SORCS2: variants seen among roughly 807,000 people sequenced by gnomAD.
SORCS2 encodes the protein sortilin related VPS10 domain containing receptor 2.
Under a neutral mutation model 141.6 loss-of-function variants are expected in SORCS2, and 100 were observed. The observed-to-expected ratio is 0.71, with a 90% confidence interval of 0.60 to 0.83. SORCS2 has a LOEUF of 0.83. SORCS2 is among the 40% of genes least tolerant of loss of function. SORCS2 has a pLI of 0.00. For missense variants in SORCS2, 1,646 were observed against 1,560.2 expected, an observed-to-expected ratio of 1.05 and a Z score of -0.93; for synonymous variants, 789 against 676.9, an observed-to-expected ratio of 1.17 and a Z score of -2.57.
intron 1 of SORCS2, among the ~76,000 whole-genome samples, chr4:7,387,492 C>T (rs1359574937): frequency 2.9e-3 from 225 of 76,676 alleles, no homozygotes; most frequent in African/African-American, 0.012. Flanking sequence ...CATACATACA[C>T]ATGCACACAA....
Position 7,602,365 on chromosome 4 carries a change from G to A in SORCS2, c.649-35963G>A, listed in dbSNP as rs576832506. ...ACGCTCCTCACTTCCCAGACGGGGC[G>A]GCTGCTGGGCGGAGGGGCTCCTCAC... On this transcript the variant is annotated intron_variant, in intron 3 of 26. Transcript: ENST00000507866. Among the ~76,000 whole-genome samples, 72 of 151,796 alleles carry A rather than the reference G, an allele frequency of 4.7e-4. 1 individual carries two copies. The highest frequency in any genetic ancestry group is 1.4e-3 in the African/African-American group (58 of 41,250).
chr4:7,542,694 G>A (rs1369915047), intron 3 of SORCS2, among the ~76,000 whole-genome samples: 2 of 152,238 alleles, frequency 1.3e-5, no homozygotes, highest in African/African-American at 4.8e-5. Flanking sequence ...CTTTGTCTCG[G>A]AAGCCCCAGA....
intron 3 of SORCS2, among the ~76,000 whole-genome samples, chr4:7,546,653 TG>T (rs1421780090): frequency 6.6e-6 from 1 of 152,182 alleles, no homozygotes; most frequent in Non-Finnish European, 1.5e-5. Flanking sequence ...CAGCCGGTGA[TG>T]GTGGGCCCCT....
intron 1 of SORCS2, among the ~76,000 whole-genome samples, chr4:7,263,524 CTG>C (rs1167721649): frequency 6.6e-6 from 1 of 152,234 alleles, no homozygotes; most frequent in Non-Finnish European, 1.5e-5. Flanking sequence ...TGCGAACCTG[CTG>C]TGTGTGTGAA....
chr4:7,372,839 T>A (rs1722344493), intron 1 of SORCS2, among the ~76,000 whole-genome samples: 1 of 152,078 alleles, frequency 6.6e-6, no homozygotes, highest in Non-Finnish European at 1.5e-5. Context: ...CTTCCGGGCC[T>A]GGCTGCTTTC....
intron 12 of SORCS2, among the ~76,000 whole-genome samples, chr4:7,700,869 A>T (rs1253956444): frequency 1.3e-5 from 2 of 152,208 alleles, no homozygotes; most frequent in African/African-American, 4.8e-5. Flanking sequence ...CCACAGACAG[A>T]GTCCCCGTGG....
In SORCS2 at chr4:7,669,304, C is replaced by G. The variant is rs142899674; in HGVS notation, c.1161+2091C>G. On this transcript the variant is annotated intron_variant, in intron 8 of 26. Transcript: ENST00000507866. The stretch of plus-strand genomic sequence containing the variant: ...TGCTGTGACTATCGATGTCCTCCCT[C>G]AGGGGTCCATGCACAGGACCCAGTG... 3.6e-3 allele frequency among the ~76,000 whole-genome samples: 547 copies of G among 152,318 alleles called. 3 individuals carry two copies. The highest frequency in any genetic ancestry group is 0.013 in the African/African-American group (530 of 41,568).
chr4:7,424,854 A>C (rs1726317842), intron 2 of SORCS2, among the ~76,000 whole-genome samples: 1 of 152,164 alleles, frequency 6.6e-6, no homozygotes. Context: ...GCCTGCCCTA[A>C]AATCAAGGCC....
At chr4:7,723,480 C>A (rs545105395) in intron 18 of SORCS2, among the ~76,000 whole-genome samples, 3 of 152,304 alleles carry the variant, frequency 2.0e-5, no homozygotes, top group Non-Finnish European at 4.4e-5. Flanking sequence ...GCCACAGCCC[C>A]TAGTTAAACC....
chr4:7,345,536 C>T lies in SORCS2; in HGVS notation c.481-50752C>T, dbSNP rs562865876. ...TGCTGAAAATAGCTGAGTATGACTC[C>T]AGTAATGCTGCTGGCTAGCTGCATC... On this transcript the variant is annotated intron_variant, in intron 1 of 26. Transcript: ENST00000507866. Among the ~76,000 whole-genome samples, 4 of 152,256 alleles carry T rather than the reference C, an allele frequency of 2.6e-5. No individual in the cohort carries two copies. In the East Asian group the frequency reaches 7.7e-4, roughly 29 times the overall value.
intron 2 of SORCS2, among the ~76,000 whole-genome samples, chr4:7,405,772 G>A (rs183189567): frequency 5.9e-5 from 9 of 152,136 alleles, no homozygotes; most frequent in Admixed American, 2.0e-4. Flanking sequence ...ATAAGATCAT[G>A]TCATCAGTAA....
At chr4:7,238,780 G>A (rs532598954) in intron 1 of SORCS2, among the ~76,000 whole-genome samples, 4 of 152,346 alleles carry the variant, frequency 2.6e-5, no homozygotes, top group Admixed American at 6.5e-5. Context: ...TCTGGAGTCT[G>A]TGGCTGACCC....
intron 1 of SORCS2, among the ~76,000 whole-genome samples, chr4:7,375,467 T>A (rs547458611): frequency 3.1e-4 from 47 of 152,254 alleles, no homozygotes; most frequent in Admixed American, 6.5e-4. Flanking sequence ...CGCGGTGGGA[T>A]TTCTGAAGCA....
At chr4:7,330,337 G>A (rs1719574257) in intron 1 of SORCS2, among the ~76,000 whole-genome samples, 1 of 152,086 alleles carries the variant, frequency 6.6e-6, no homozygotes, top group Non-Finnish European at 1.5e-5. Context: ...TTTAGGGGCT[G>A]TGATTCAGCG....
chr4:7,704,407 C>G (rs1725285484), intron 14 of SORCS2, 123 bp downstream of exon 14: 10 of 857,364 alleles, frequency 1.2e-5, no homozygotes, highest in Non-Finnish European at 1.8e-5. Flanking sequence ...CCACCTGCCC[C>G]AGGTCCCCTT....
At position 7,544,672 on chromosome 4, in the gene SORCS2, G is replaced by A. The variant is rs534980030; in HGVS notation, c.648+13043G>A. ...AGCTCAGCACAAAACAAGAGACAGA[G>A]GGAGCTGGGGTATTGACCCCCTAGC... On this transcript the variant is annotated intron_variant, in intron 3 of 26. Coordinates refer to ENST00000507866, the MANE Select transcript of SORCS2 (RefSeq NM_020777.3). 2.6e-5 allele frequency among the ~76,000 whole-genome samples: 4 copies of A among 152,392 alleles called. No individual in the cohort carries two copies. In the South Asian group the frequency reaches 8.3e-4, roughly 32 times the overall value.
intron 1 of SORCS2, among the ~76,000 whole-genome samples, chr4:7,288,631 G>A (rs868713843): frequency 6.6e-6 from 1 of 151,392 alleles, no homozygotes; most frequent in South Asian, 2.1e-4. Context: ...GAGAGAGAGA[G>A]AGATTGCATC....
At chr4:7,351,950 A>G (rs1720967910) in intron 1 of SORCS2, among the ~76,000 whole-genome samples, 1 of 151,688 alleles carries the variant, frequency 6.6e-6, no homozygotes, top group Non-Finnish European at 1.5e-5. Flanking sequence ...TCAATCACCC[A>G]TCTATTTGCC....
chr4:7,378,662 A>T (rs1722808001), intron 1 of SORCS2, among the ~76,000 whole-genome samples: 1 of 152,052 alleles, frequency 6.6e-6, no homozygotes, highest in South Asian at 2.1e-4. Flanking sequence ...TTAGGTGGGG[A>T]CACAGAGCCC....
Sources: allele counts gnomAD v4.1 joint callset (sites outside exome capture counted in the v4.1 genomes callset), GRCh38; gene constraint gnomAD v4.1.1; transcripts MANE v1.5; gene names NCBI Gene and HGNC (gene_info 2026-07-23, HGNC 2026-07-21).